The following SNX29 variants were observed in gnomAD, a reference collection of about 807,000 sequenced individuals.
SNX29 encodes the protein sorting nexin 29.
SNX29 carries 78 observed loss-of-function variants against 102.1 expected under a neutral mutation model. The ratio of observed to expected loss-of-function variants is 0.76; its 90% CI spans 0.64 to 0.92. SNX29 has a LOEUF of 0.92. Among genes scored for constraint, SNX29 ranks in the 40% least tolerant of loss-of-function variants. SNX29 has a pLI of 0.00. For missense variants in SNX29, 1,280 were observed against 1,061.7 expected (o/e 1.21, Z -2.86); for synonymous variants, 580 against 414.5 (o/e 1.40, Z -4.85).
At chr16:12,537,330 T>A (rs1276137691) in intron 20 of SNX29, among the ~76,000 whole-genome samples, 7 of 152,214 alleles carry the variant, frequency 4.6e-5, no homozygotes, top group Admixed American at 4.6e-4. Context: ...CAAAGCTCTG[T>A]TAGTAAATTC....
intron 13 of SNX29, among the ~76,000 whole-genome samples, chr16:12,171,824 C>T (rs2141756171): frequency 6.6e-6 from 1 of 152,304 alleles, no homozygotes; most frequent in Non-Finnish European, 1.5e-5. Flanking sequence ...GGTGGTATGG[C>T]CCAATTGTTA....
intron 18 of SNX29, among the ~76,000 whole-genome samples, chr16:12,408,181 A>AAAAAAAAAAAAAAAAAAC (rs1567533282): frequency 1.3e-5 from 2 of 148,664 alleles, no homozygotes; most frequent in Admixed American, 6.7e-5. Flanking sequence ...AACAAACAAA[A>AAAAAAAAAAAAAAAAAAC]AAAAAACTAG....
chr16:12,380,804 C>G (rs2083081683), intron 16 of SNX29, among the ~76,000 whole-genome samples: 1 of 123,624 alleles, frequency 8.1e-6, no homozygotes, highest in Non-Finnish European at 1.8e-5. Flanking sequence ...CACACACCAT[C>G]CATCCATCCA....
In SNX29 at chr16:12,067,724, G is replaced by T. The variant is rs143409411; in HGVS notation, c.1244-1333G>T. On this transcript the variant is annotated intron_variant, in intron 9 of 20. Coordinates refer to ENST00000566228, the MANE Select transcript of SNX29 (RefSeq NM_032167.5). ...GCTGGTCTCGAACTCCTGACCTCAA[G>T]TAATCCACCTGCCTTGGCTTCCCAA... Among the ~76,000 whole-genome samples the T allele has an allele frequency of 2.9e-3, 437 of 152,294 alleles. 5 individuals are homozygous for T. Among genetic ancestry groups the T allele is most frequent in the African/African-American group, 0.01 (421 of 41,576 alleles).
In SNX29 at chr16:12,570,461, C is replaced by T. The variant is rs754166418; in HGVS notation, c.*1832C>T. The T allele has an allele frequency of 5.5e-5, 13 of 235,792 alleles. No individual in the cohort carries two copies. Among genetic ancestry groups the T allele is most frequent in the African/African-American group, 8.8e-5 (4 of 45,476 alleles). 14.6% of individuals were successfully genotyped at this position (235,792 alleles called of 1,614,324 possible). A position where few individuals can be genotyped will look rare whatever the true frequency, so the allele number is the denominator to read the frequency against. ...AGCCCTAATGGACTGAGGCAGGAAA[C>T]GTCTAAAAGCTCAATCTGCTGTATG... On this transcript the variant is annotated 3_prime_UTR_variant, in exon 21 of 21. Coordinates refer to ENST00000566228, the MANE Select transcript of SNX29 (RefSeq NM_032167.5).
chr16:12,048,709 C>G (rs1596692306), intron 7 of SNX29, 89 bp downstream of exon 7: 3 of 1,606,352 alleles, frequency 1.9e-6, no homozygotes, highest in Middle Eastern at 1.7e-4. Flanking sequence ...AAAGTCATTC[C>G]AAGGGGAATG....
intron 20 of SNX29, among the ~76,000 whole-genome samples, chr16:12,541,279 G>A (rs1346326158): frequency 6.6e-6 from 1 of 152,154 alleles, no homozygotes; most frequent in Non-Finnish European, 1.5e-5. Flanking sequence ...CAGGAGCAGG[G>A]GAATACCACT....
chr16:12,413,459 C>T (rs1413108964), intron 18 of SNX29, among the ~76,000 whole-genome samples: 2 of 151,902 alleles, frequency 1.3e-5, no homozygotes, highest in African/African-American at 4.8e-5. Context: ...AGTGATCTCT[C>T]AGAAGAGGCC....
At chr16:12,173,238 A>G (rs879887007) in intron 13 of SNX29, among the ~76,000 whole-genome samples, 1 of 152,190 alleles carries the variant, frequency 6.6e-6, no homozygotes, top group Admixed American at 6.5e-5. Flanking sequence ...TCTGGTTCCA[A>G]CAGGCGGTTC....
intron 19 of SNX29, among the ~76,000 whole-genome samples, chr16:12,481,016 C>A (rs987469323): frequency 3.3e-5 from 5 of 152,178 alleles, no homozygotes; most frequent in African/African-American, 1.2e-4. Flanking sequence ...CATCCCCAGG[C>A]TAGAGAGACA....
chr16:12,138,152 C>T (rs1393884136), intron 13 of SNX29, among the ~76,000 whole-genome samples: 4 of 151,732 alleles, frequency 2.6e-5, no homozygotes, highest in Non-Finnish European at 5.9e-5. Context: ...ATGAGGTCCC[C>T]AGGCCAAGAT....
chr16:12,429,280 C>G (rs1298459211), intron 18 of SNX29, among the ~76,000 whole-genome samples: 3 of 152,234 alleles, frequency 2.0e-5, no homozygotes, highest in Admixed American at 1.3e-4. Context: ...TCCCACCACA[C>G]AGACACAACT....
At chr16:12,496,876 G>T (rs908642776) in intron 19 of SNX29, among the ~76,000 whole-genome samples, 2 of 152,126 alleles carry the variant, frequency 1.3e-5, no homozygotes, top group East Asian at 1.9e-4. Context: ...AGGGAAGAGC[G>T]TTTCAGGGAG....
intron 20 of SNX29, among the ~76,000 whole-genome samples, chr16:12,563,582 T>G (rs937159770): frequency 2.7e-5 from 4 of 148,114 alleles, no homozygotes; most frequent in African/African-American, 9.8e-5. Flanking sequence ...GGGTGGTGGC[T>G]TAGGCCTCCA....
intron 19 of SNX29, among the ~76,000 whole-genome samples, chr16:12,502,523 G>C (rs1037729827): frequency 6.6e-6 from 1 of 152,098 alleles, no homozygotes; most frequent in African/African-American, 2.4e-5. Flanking sequence ...ACTCTCATCA[G>C]CTTCCCCACG....
intron 3 of SNX29, among the ~76,000 whole-genome samples, chr16:12,022,228 T>A (rs1019979781): frequency 3.3e-5 from 5 of 151,642 alleles, no homozygotes; most frequent in Non-Finnish European, 5.9e-5. Flanking sequence ...GAGGCAGAGT[T>A]TCGCTCTTGT....
chr16:12,198,659 G>A (rs991559002), intron 13 of SNX29, among the ~76,000 whole-genome samples: 4 of 152,230 alleles, frequency 2.6e-5, no homozygotes, highest in Admixed American at 6.5e-5. Flanking sequence ...AGCAGATGGC[G>A]AAGAGTCCTT....
chr16:12,030,047 C>T (rs531998999), intron 4 of SNX29, among the ~76,000 whole-genome samples: 16 of 152,200 alleles, frequency 1.1e-4, no homozygotes, highest in South Asian at 2.1e-4. Flanking sequence ...CCTGTCTGTT[C>T]GGCAGCCTTG....
intron 11 of SNX29, chr16:12,089,829 C>T (rs350229): frequency 0.11 from 42,226 of 396,794 alleles, 3,082 homozygotes; most frequent in East Asian, 0.23. Context: ...CTCAGCAGTG[C>T]GTTCCTTCCG....
Sources: allele counts gnomAD v4.1 joint callset (sites outside exome capture counted in the v4.1 genomes callset), GRCh38; gene constraint gnomAD v4.1.1; transcripts MANE v1.5; gene names NCBI Gene and HGNC (gene_info 2026-07-23, HGNC 2026-07-21).